The following GNAO1 variants were observed in gnomAD, a reference collection of about 807,000 sequenced individuals.
GNAO1 encodes G protein subunit alpha o1, also known as guanine nucleotide-binding protein G(o) subunit alpha.
For synonymous variants in GNAO1, 164 were observed against 180.7 expected (o/e 0.91, Z 0.74); for missense variants, 166 against 478.7 (o/e 0.35, Z 6.10).
chr16:56,348,976 A>G (rs1596880708), intron 6 of GNAO1, among the ~76,000 whole-genome samples: 1 of 152,312 alleles, frequency 6.6e-6, no homozygotes, highest in Admixed American at 6.5e-5. Flanking sequence ...CTCGGAGAGC[A>G]GGAGCCTGAT....
At chr16:56,257,993 A>G (rs561374151) in intron 2 of GNAO1, among the ~76,000 whole-genome samples, 16 of 152,356 alleles carry the variant, frequency 1.1e-4, no homozygotes, top group South Asian at 4.1e-4. Flanking sequence ...TTTTGTGACA[A>G]TTCTTCTGAT....
chr16:56,313,902 A>T (rs1236179517), intron 3 of GNAO1, among the ~76,000 whole-genome samples: 1 of 151,830 alleles, frequency 6.6e-6, no homozygotes, highest in East Asian at 1.9e-4. Flanking sequence ...TGCCTGGCTA[A>T]TTTTTTTTAA....
chr16:56,347,334 C>G (rs2143692065), intron 6 of GNAO1: 1 of 985,544 alleles, frequency 1.0e-6, no homozygotes, highest in Admixed American at 6.1e-5. Context: ...CACCCCCAGG[C>G]AGTTCCTGCT....
intron 2 of GNAO1, among the ~76,000 whole-genome samples, chr16:56,251,968 C>T (rs548800567): frequency 6.6e-6 from 1 of 152,222 alleles, no homozygotes; most frequent in East Asian, 1.9e-4. Context: ...GCCAGAGGCA[C>T]CAATCCTCTG....
intron 2 of GNAO1, among the ~76,000 whole-genome samples, chr16:56,222,636 T>C (rs1189557109): frequency 6.6e-6 from 1 of 152,188 alleles, no homozygotes; most frequent in African/African-American, 2.4e-5. Flanking sequence ...ACAGCCCTAC[T>C]CCAGGCTTGA....
chr16:56,193,356 CT>C (rs1420779422), intron 2 of GNAO1: 3 of 153,366 alleles, frequency 2.0e-5, no homozygotes, highest in African/African-American at 4.8e-5. Flanking sequence ...CCGCCCCTTG[CT>C]GCCCCCAGCT....
In GNAO1 at chr16:56,356,487, G is replaced by C. The variant is rs1379271704; in HGVS notation, c.*413G>C. ...CATCTGCCGCCTGGGGCTCCGGTGC[G>C]GTGCACTGGTCCGAGGAGTGTGCTC... On this transcript the variant is annotated 3_prime_UTR_variant, in exon 9 of 9. Transcript: ENST00000262493. 6.6e-6 allele frequency: 1 copy of C among 152,390 alleles called. No individual in the cohort carries two copies. The highest frequency in any genetic ancestry group is 2.4e-5 in the African/African-American group (1 of 41,448). The allele number at this position is 152,390 out of a possible 1,614,324, so 9.4% of individuals were successfully genotyped here.
intron 3 of GNAO1, among the ~76,000 whole-genome samples, chr16:56,294,988 A>G (rs1415109478): frequency 6.6e-6 from 1 of 152,016 alleles, no homozygotes; most frequent in East Asian, 1.9e-4. Flanking sequence ...GAGTTTTAAG[A>G]TTTTTTTAAT....
rs1181836228 is a variant in GNAO1 at position 56,344,072 on chromosome 16, C to A, written c.723+7212C>A. 2.0e-6 allele frequency: 3 copies of A among 1,490,844 alleles called. No individual in the cohort carries two copies. In the South Asian group the frequency reaches 4.0e-5, roughly 20 times the overall value. 92.4% of individuals were successfully genotyped at this position (1,490,844 alleles called of 1,614,324 possible). ...TGAGGAAGAAGACCTCAGAGGCTGG[C>A]ACCAAGGGAGGGAGGAGGGAGCATC... On this transcript the variant is annotated intron_variant, in intron 6 of 8. Coordinates refer to ENST00000262493, the MANE Select transcript of GNAO1 (RefSeq NM_020988.3).
At chr16:56,240,901 G>C (rs966121257) in intron 2 of GNAO1, among the ~76,000 whole-genome samples, 1 of 152,132 alleles carries the variant, frequency 6.6e-6, no homozygotes, top group Non-Finnish European at 1.5e-5. Flanking sequence ...AGCCCACCCC[G>C]ATGGAGAAGG....
intron 3 of GNAO1, among the ~76,000 whole-genome samples, chr16:56,298,258 A>G (rs1253245317): frequency 6.6e-6 from 1 of 152,180 alleles, no homozygotes; most frequent in Non-Finnish European, 1.5e-5. Context: ...TGGTAAGGAA[A>G]CAGGTGAAGA....
intron 2 of GNAO1, among the ~76,000 whole-genome samples, chr16:56,267,695 T>C (rs2036970192): frequency 6.6e-6 from 1 of 152,196 alleles, no homozygotes; most frequent in Non-Finnish European, 1.5e-5. Context: ...TTATGATTTA[T>C]AGAACCATTT....
chr16:56,291,361 T>C (rs1245425299), intron 3 of GNAO1, among the ~76,000 whole-genome samples: 1 of 152,250 alleles, frequency 6.6e-6, no homozygotes, highest in Non-Finnish European at 1.5e-5. Flanking sequence ...CAGTGATTAA[T>C]GATATTGAGC....
At chr16:56,288,341 C>T (rs1386432149) in intron 3 of GNAO1, among the ~76,000 whole-genome samples, 3 of 152,146 alleles carry the variant, frequency 2.0e-5, no homozygotes, top group African/African-American at 7.2e-5. Flanking sequence ...GTGCTGAGGA[C>T]GGGGTATCTG....
At chr16:56,218,000 A>G (rs988578518) in intron 2 of GNAO1, among the ~76,000 whole-genome samples, 3 of 152,238 alleles carry the variant, frequency 2.0e-5, no homozygotes, top group African/African-American at 7.2e-5. Context: ...GTTCAGATGG[A>G]GGCAAGGAAG....
chr16:56,352,637 T>G (rs1449347819), intron 7 of GNAO1: 1 of 152,314 alleles, frequency 6.6e-6, no homozygotes, highest in Non-Finnish European at 1.5e-5. Context: ...GGTGCCTACA[T>G]CCAGCATAGG....
chr16:56,323,068 A>G (rs1313051351), intron 3 of GNAO1, among the ~76,000 whole-genome samples: 2 of 152,136 alleles, frequency 1.3e-5, no homozygotes, highest in African/African-American at 4.8e-5. Flanking sequence ...AGGAGGTGAC[A>G]TTTGAGATAG....
intron 3 of GNAO1, among the ~76,000 whole-genome samples, chr16:56,282,514 A>G (rs1411060163): frequency 6.6e-6 from 1 of 152,236 alleles, no homozygotes; most frequent in Non-Finnish European, 1.5e-5. Flanking sequence ...CCAAGGTCAT[A>G]TTACCAAGCC....
intron 2 of GNAO1, among the ~76,000 whole-genome samples, chr16:56,205,986 C>G (rs2036323976): frequency 6.6e-6 from 1 of 152,038 alleles, no homozygotes; most frequent in Non-Finnish European, 1.5e-5. Context: ...CAGTGGAGCT[C>G]TAGACCACAG....
Sources: gnomAD v4.1 joint callset for allele counts (sites outside exome capture counted in the v4.1 genomes callset) on GRCh38, gnomAD v4.1.1 for gene constraint, MANE v1.5 for transcripts, NCBI Gene and HGNC (gene_info 2026-07-23, HGNC 2026-07-21) for gene names.